Variants in EPB41L3 observed in about 807,000 individuals in gnomAD.
EPB41L3 encodes erythrocyte membrane protein band 4.1 like 3.
A neutral mutation model predicts 127.1 loss-of-function variants in EPB41L3; 57 were observed. The ratio of observed to expected loss-of-function variants is 0.45; its 90% confidence interval spans 0.36 to 0.56. EPB41L3 has a LOEUF of 0.56. EPB41L3 is among the 20% of genes least tolerant of loss of function. The probability of loss-of-function intolerance (pLI) is 0.00; values close to 1 mark genes in which losing one functional copy is unlikely to be tolerated. For missense variants in EPB41L3, 1,273 were observed against 1,372.2 expected, an observed-to-expected ratio of 0.93 and a Z score of 1.14; for synonymous variants, 572 against 549.5, an observed-to-expected ratio of 1.04 and a Z score of -0.57.
intron 3 of EPB41L3, among the ~76,000 whole-genome samples, chr18:5,566,788 T>TATTCTATTCCATTCCATTCCATTCC (rs1555804087): frequency 8.9e-6 from 1 of 112,526 alleles, no homozygotes; most frequent in South Asian, 3.0e-4. Flanking sequence ...TATTCTATTC[T>TATTCTATTCCATTCCATTCCATTCC]ATTCCATTCC....
chr18:5,610,074 TC>T (rs1049402364), intron 3 of EPB41L3: 43 of 983,932 alleles, frequency 4.4e-5, no homozygotes, highest in Non-Finnish European at 5.1e-5. Context: ...ATCAAACGAT[TC>T]ATCTGACAGT....
upstream of EPB41L3, among the ~76,000 whole-genome samples, chr18:5,547,053 T>TCTTACTA (rs60970151): frequency 0.81 from 121,858 of 151,286 alleles, 49,255 homozygotes; most frequent in Non-Finnish European, 0.84. Flanking sequence ...ATGTATCACC[T>TCTTACTA]CTTACTAAGT....
intron 3 of EPB41L3, among the ~76,000 whole-genome samples, chr18:5,588,848 G>C (rs1020404264): frequency 6.6e-6 from 1 of 151,946 alleles, no homozygotes; most frequent in Non-Finnish European, 1.5e-5. Flanking sequence ...CTTGAGACTT[G>C]CATTAATAAA....
chr18:5,505,294 T>C (rs1261771735), intron 1 of EPB41L3, among the ~76,000 whole-genome samples: 1 of 151,856 alleles, frequency 6.6e-6, no homozygotes, highest in Non-Finnish European at 1.5e-5. Flanking sequence ...CCAAAGAAAA[T>C]ACAAACCAAC....
intron 3 of EPB41L3, among the ~76,000 whole-genome samples, chr18:5,454,087 T>C (rs1321321738): frequency 6.6e-6 from 1 of 152,202 alleles, no homozygotes; most frequent in African/African-American, 2.4e-5. Flanking sequence ...ATCAGACACC[T>C]GGACTCTGTG....
chr18:5,532,664 T>C (rs536805162), intron 1 of EPB41L3, among the ~76,000 whole-genome samples: 6 of 152,212 alleles, frequency 3.9e-5, no homozygotes, highest in Non-Finnish European at 8.8e-5. Context: ...CTTGGTTCTT[T>C]ATGCTGGGAG....
chr18:5,513,010 A>C (rs2092602605), intron 1 of EPB41L3, among the ~76,000 whole-genome samples: 1 of 152,184 alleles, frequency 6.6e-6, no homozygotes, highest in Admixed American at 6.5e-5. Flanking sequence ...AACAGCATGC[A>C]TGAGGGTGCT....
At chr18:5,435,955 C>T (rs745511529) in intron 6 of EPB41L3, among the ~76,000 whole-genome samples, 15 of 152,162 alleles carry the variant, frequency 9.9e-5, no homozygotes, top group Admixed American at 2.0e-4. Flanking sequence ...CCTTAAAATT[C>T]GAGAATCTTG....
chr18:5,407,631 GACAA>G (rs1016634345), intron 15 of EPB41L3, 66 bp downstream of exon 15: 22 of 1,509,516 alleles, frequency 1.5e-5, no homozygotes, highest in East Asian at 1.1e-4. Context: ...GAACGCTGTA[GACAA>G]ACAATGACTT....
intron 9 of EPB41L3, among the ~76,000 whole-genome samples, chr18:5,428,075 A>G (rs940628120): frequency 5.9e-5 from 9 of 152,174 alleles, no homozygotes; most frequent in African/African-American, 2.2e-4. Context: ...TTTATATTAA[A>G]ATATGTTTTT....
chr18:5,441,655 G>A lies in EPB41L3; in HGVS notation c.529+2183C>T, dbSNP rs371135909. On this transcript the variant is annotated intron_variant, in intron 5 of 22. Transcript: ENST00000341928. ...TAATTTTTGTATTTTTAGTAGAGAC[G>A]GGGTTTCACCGTGTCAGCCAGGATG... Among the ~76,000 whole-genome samples, 643 of 151,242 alleles carry A rather than the reference G, an allele frequency of 4.3e-3. 11 individuals carry two copies. In the South Asian group the frequency reaches 0.048, roughly 11 times the overall value.
chr18:5,428,579 C>A, intron 8 of EPB41L3, 114 bp from the exon 9 acceptor site: 2 of 1,176,196 alleles, frequency 1.7e-6, no homozygotes, highest in Non-Finnish European at 2.4e-6. Flanking sequence ...TTTACTTATG[C>A]AAAATGATGC....
intron 8 of EPB41L3, chr18:5,429,313 G>A (rs1260969978): frequency 6.6e-6 from 1 of 152,092 alleles, no homozygotes; most frequent in Non-Finnish European, 1.5e-5. Context: ...TCCTATGGAT[G>A]TGTGATGTCC....
intron 3 of EPB41L3, among the ~76,000 whole-genome samples, chr18:5,605,142 C>G (rs903562526): frequency 6.6e-6 from 1 of 152,080 alleles, no homozygotes; most frequent in African/African-American, 2.4e-5. Flanking sequence ...GGAAGTCATC[C>G]CCACTCCAGT....
intron 3 of EPB41L3, among the ~76,000 whole-genome samples, chr18:5,554,289 G>C (rs2094004323): frequency 6.6e-6 from 1 of 152,208 alleles, no homozygotes; most frequent in African/African-American, 2.4e-5. Context: ...CTGGAACAGT[G>C]CCTGGCATGG....
intron 2 of EPB41L3, among the ~76,000 whole-genome samples, chr18:5,613,283 C>T (rs1351200072): frequency 6.6e-6 from 1 of 152,118 alleles, no homozygotes; most frequent in Non-Finnish European, 1.5e-5. Context: ...GTTACAGTAA[C>T]AAAAATGATG....
intron 3 of EPB41L3, chr18:5,610,065 T>C: frequency 4.1e-6 from 4 of 981,976 alleles, no homozygotes; most frequent in South Asian, 9.4e-5. Context: ...TAGTTTCCCA[T>C]CAAACGATTC....
At chr18:5,434,163 G>A (rs1311664557) in intron 6 of EPB41L3, 42 bp from the exon 7 acceptor site, 1 of 1,548,834 alleles carries the variant, frequency 6.5e-7, no homozygotes. Context: ...GGCAGCATGA[G>A]GATACAGGAA....
At chr18:5,435,866 C>T (rs2079700807) in intron 6 of EPB41L3, among the ~76,000 whole-genome samples, 1 of 152,156 alleles carries the variant, frequency 6.6e-6, no homozygotes, top group African/African-American at 2.4e-5. Context: ...TATAATAACA[C>T]AATTTCTCCT....
Sources: allele counts gnomAD v4.1 joint callset (sites outside exome capture counted in the v4.1 genomes callset), GRCh38; gene constraint gnomAD v4.1.1; transcripts MANE v1.5; gene names NCBI Gene and HGNC (gene_info 2026-07-23, HGNC 2026-07-21).